Variants in RHBDD1 observed in about 807,000 individuals in gnomAD.
RHBDD1 encodes the protein rhomboid domain containing 1, also known as rhomboid-related protein 4.
A neutral mutation model predicts 36.3 loss-of-function variants in RHBDD1; 38 were observed. The ratio of observed to expected loss-of-function variants is 1.05; its 90% confidence interval spans 0.81 to 1.37. The LOEUF is 1.37. RHBDD1 is among the 40% of genes most tolerant of loss of function. The pLI, the probability that RHBDD1 is intolerant of heterozygous loss-of-function variation, is 0.00. For synonymous variants in RHBDD1, 151 were observed against 136.5 expected (o/e 1.11, Z -0.74); for missense variants, 393 against 377.6 (o/e 1.04, Z -0.34).
intron 8 of RHBDD1, among the ~76,000 whole-genome samples, chr2:226,970,528 G>A (rs1213103497): frequency 6.6e-6 from 1 of 152,156 alleles, no homozygotes; most frequent in Non-Finnish European, 1.5e-5. Flanking sequence ...AGAGGGCACG[G>A]AAGCAGCCTT....
intron 8 of RHBDD1, among the ~76,000 whole-genome samples, chr2:226,962,033 C>T (rs1952238748): frequency 6.6e-6 from 1 of 152,170 alleles, no homozygotes; most frequent in Non-Finnish European, 1.5e-5. Context: ...TCATTTTAAG[C>T]CCATTTCAGA....
At chr2:226,965,899 C>T (rs1034506282) in intron 8 of RHBDD1, among the ~76,000 whole-genome samples, 4 of 151,254 alleles carry the variant, frequency 2.6e-5, no homozygotes, top group Admixed American at 1.3e-4. Context: ...TGAAAAAGCA[C>T]GAAGTTTATA....
chr2:226,820,980 C>G, the RHBDD1 span, among the ~76,000 whole-genome samples: 1 of 152,124 alleles, frequency 6.6e-6, no homozygotes, highest in Non-Finnish European at 1.5e-5. Flanking sequence ...TCAAACCTTC[C>G]CTCTGTTCCT....
chr2:226,849,311 A>T (rs1421571359), intron 3 of RHBDD1, among the ~76,000 whole-genome samples: 1 of 152,246 alleles, frequency 6.6e-6, no homozygotes, highest in Non-Finnish European at 1.5e-5. Flanking sequence ...GAGATGATGA[A>T]GATTCCCTGG....
intron 8 of RHBDD1, among the ~76,000 whole-genome samples, chr2:226,965,135 A>G (rs1004679118): frequency 2.0e-5 from 3 of 152,194 alleles, no homozygotes; most frequent in Non-Finnish European, 2.9e-5. Context: ...ATCCTGGGTT[A>G]GGGTCAGGTG....
chr2:226,966,104 A>G (rs1224319011), intron 8 of RHBDD1, among the ~76,000 whole-genome samples: 2 of 152,196 alleles, frequency 1.3e-5, no homozygotes, highest in Admixed American at 6.6e-5. Context: ...CTCGCCACAT[A>G]AAAACCATAT....
At chr2:226,952,621 A>G (rs1002983034) in intron 8 of RHBDD1, among the ~76,000 whole-genome samples, 1 of 152,172 alleles carries the variant, frequency 6.6e-6, no homozygotes, top group African/African-American at 2.4e-5. Context: ...TTGAAGGTAC[A>G]CATAGTATCA....
chr2:226,933,031 C>T (rs1035987125), intron 8 of RHBDD1, among the ~76,000 whole-genome samples: 2 of 152,026 alleles, frequency 1.3e-5, no homozygotes, highest in African/African-American at 4.8e-5. Flanking sequence ...GCACGTTCTT[C>T]GCAGGGTGGC....
Position 226,917,166 on chromosome 2 carries a change from A to G in RHBDD1, c.856+2815A>G, listed in dbSNP as rs760732849. On this transcript the variant is annotated intron_variant, in intron 8 of 8. Coordinates refer to ENST00000392062, the MANE Select transcript of RHBDD1 (RefSeq NM_001167608.3). The stretch of plus-strand genomic sequence containing the variant: ...TTAACAGTAAATGGTATTGAAATAT[A>G]TACTAACAGGCAAAAAGAAAAAAAG... 6.4e-4 allele frequency among the ~76,000 whole-genome samples: 98 copies of G among 152,046 alleles called. 1 individual carries two copies. The highest frequency in any genetic ancestry group is 3.1e-3 in the Admixed American group (48 of 15,270).
intron 8 of RHBDD1, among the ~76,000 whole-genome samples, chr2:226,977,910 A>C (rs999770210): frequency 1.3e-5 from 2 of 152,244 alleles, no homozygotes; most frequent in African/African-American, 2.4e-5. Flanking sequence ...AATTTGAACA[A>C]TGTGGTTTTA....
intron 8 of RHBDD1, among the ~76,000 whole-genome samples, chr2:226,929,018 T>C (rs571655748): frequency 6.6e-6 from 1 of 151,966 alleles, no homozygotes; most frequent in Non-Finnish European, 1.5e-5. Flanking sequence ...TTTTTTAAAT[T>C]GCCAACAAAA....
At chr2:226,900,649 T>C (rs1396426757) in intron 5 of RHBDD1, among the ~76,000 whole-genome samples, 3 of 152,202 alleles carry the variant, frequency 2.0e-5, no homozygotes, top group East Asian at 1.9e-4. Context: ...TGTTCAGTCA[T>C]TATCTATACC....
At chr2:226,864,268 A>G (rs935710151) in intron 3 of RHBDD1, among the ~76,000 whole-genome samples, 1 of 152,208 alleles carries the variant, frequency 6.6e-6, no homozygotes, top group African/African-American at 2.4e-5. Context: ...AGTAGAAATC[A>G]TTTAATACTT....
At chr2:226,982,033 T>C (rs1955891841) in intron 8 of RHBDD1, among the ~76,000 whole-genome samples, 1 of 152,244 alleles carries the variant, frequency 6.6e-6, no homozygotes, top group South Asian at 2.1e-4. Context: ...GCTATCATAC[T>C]TTTGATAAGT....
At chr2:226,849,789 A>T (rs138466294) in intron 3 of RHBDD1, among the ~76,000 whole-genome samples, 1 of 152,218 alleles carries the variant, frequency 6.6e-6, no homozygotes, top group African/African-American at 2.4e-5. Flanking sequence ...ATCTATATCT[A>T]TATCTATTCC....
chr2:226,982,091 C>A (rs1283099926), intron 8 of RHBDD1, among the ~76,000 whole-genome samples: 2 of 152,214 alleles, frequency 1.3e-5, no homozygotes, highest in African/African-American at 2.4e-5. Flanking sequence ...GCCCTCTTTT[C>A]TTTTCTTGCC....
At chr2:226,813,401 C>T in the RHBDD1 span, among the ~76,000 whole-genome samples, 7 of 152,240 alleles carry the variant, frequency 4.6e-5, no homozygotes, top group African/African-American at 1.7e-4. Context: ...AGATAGATCA[C>T]TCTTGTGGTT....
chr2:226,822,877 G>A, the RHBDD1 span, among the ~76,000 whole-genome samples: 1 of 152,062 alleles, frequency 6.6e-6, no homozygotes, highest in Non-Finnish European at 1.5e-5. Flanking sequence ...TATAATTCCA[G>A]CATTTTGGGA....
intron 5 of RHBDD1, among the ~76,000 whole-genome samples, chr2:226,880,934 A>C (rs79538809): frequency 0.019 from 2,862 of 152,298 alleles, 48 homozygotes; most frequent in Admixed American, 0.041. Context: ...TGAAGAACCC[A>C]AACTGCCTGT....
Sources: gnomAD v4.1 joint callset for allele counts (sites outside exome capture counted in the v4.1 genomes callset) on GRCh38, gnomAD v4.1.1 for gene constraint, MANE v1.5 for transcripts, NCBI Gene and HGNC (gene_info 2026-07-23, HGNC 2026-07-21) for gene names.